JAK1: variants seen among roughly 807,000 people sequenced by gnomAD.
JAK1 encodes the protein Janus kinase 1, also known as tyrosine-protein kinase JAK1.
In JAK1, 16 loss-of-function variants were observed where a neutral mutation model predicts 136.6. The observed-to-expected ratio is 0.12, with a 90% confidence interval of 0.08 to 0.18. The LOEUF is 0.18. Among genes scored for constraint, JAK1 ranks in the 10% least tolerant of loss-of-function variants. JAK1 has a pLI of 1.00. For missense variants in JAK1, 859 were observed against 1,450.1 expected, an observed-to-expected ratio of 0.59 and a Z score of 6.62; for synonymous variants, 492 against 519.5, an observed-to-expected ratio of 0.95 and a Z score of 0.72.
intron 1 of JAK1, among the ~76,000 whole-genome samples, chr1:64,924,778 G>A (rs867678245): frequency 6.6e-6 from 1 of 152,140 alleles, no homozygotes; most frequent in South Asian, 2.1e-4. Flanking sequence ...CACCTTTATA[G>A]GATGCTATTT....
upstream of JAK1, among the ~76,000 whole-genome samples, chr1:64,969,981 C>CA (rs1283624393): frequency 1.3e-5 from 2 of 151,428 alleles, no homozygotes; most frequent in Non-Finnish European, 2.9e-5. Context: ...ACAAAAAATA[C>CA]AAAAAATAAC....
chr1:64,880,919 G>C (rs907176879), intron 3 of JAK1, among the ~76,000 whole-genome samples: 1 of 151,884 alleles, frequency 6.6e-6, no homozygotes, highest in South Asian at 2.1e-4. Context: ...TGCACTCCTA[G>C]GTGACAGAGA....
intron 1 of JAK1, among the ~76,000 whole-genome samples, chr1:64,929,073 G>A (rs1363004702): frequency 3.9e-5 from 6 of 152,156 alleles, no homozygotes; most frequent in African/African-American, 1.4e-4. Flanking sequence ...TACTTGTCTG[G>A]TGCCTTAAAA....
chr1:65,032,498 T>C (rs1254474277), intron 2 of JAK1, among the ~76,000 whole-genome samples: 1 of 151,978 alleles, frequency 6.6e-6, no homozygotes, highest in Non-Finnish European at 1.5e-5. Context: ...AAACACAATA[T>C]ATGCAAAACA....
At chr1:65,053,769 C>T (rs576853639) in intron 1 of JAK1, among the ~76,000 whole-genome samples, 3 of 152,192 alleles carry the variant, frequency 2.0e-5, no homozygotes, top group African/African-American at 7.2e-5. Context: ...TACAATGAGC[C>T]GTGATGGCAC....
At chr1:64,895,284 T>C (rs2101401555) in intron 1 of JAK1, among the ~76,000 whole-genome samples, 1 of 152,342 alleles carries the variant, frequency 6.6e-6, no homozygotes, top group East Asian at 1.9e-4. Flanking sequence ...CCTTACTATG[T>C]GCCATTCCCT....
At chr1:65,000,411 G>A (rs527601376) in intron 2 of JAK1, among the ~76,000 whole-genome samples, 2 of 151,964 alleles carry the variant, frequency 1.3e-5, no homozygotes, top group East Asian at 3.9e-4. Flanking sequence ...GCTGAGGTGG[G>A]AGGATCACCT....
chr1:64,933,371 A>T (rs1027891753), intron 1 of JAK1, among the ~76,000 whole-genome samples: 1 of 152,212 alleles, frequency 6.6e-6, no homozygotes, highest in African/African-American at 2.4e-5. Context: ...ACTATTCATG[A>T]GTGTAGCATT....
At chr1:64,967,484 T>G (rs778708346), upstream of JAK1, among the ~76,000 whole-genome samples, 2 of 152,168 alleles carry the variant, frequency 1.3e-5, no homozygotes, top group Non-Finnish European at 2.9e-5. Context: ...CTCCAGCGAC[T>G]TCCCCCTGAC....
chr1:64,864,994 AC>A, intron 7 of JAK1, 22 bp from the exon 8 acceptor site: 1 of 1,593,286 alleles, frequency 6.3e-7, no homozygotes, highest in Non-Finnish European at 8.6e-7. Flanking sequence ...CATAAAAGGG[AC>A]AGGGTTAAGT....
chr1:64,964,189 A>T (rs1646333556), intron 1 of JAK1, among the ~76,000 whole-genome samples: 1 of 152,378 alleles, frequency 6.6e-6, no homozygotes, highest in Non-Finnish European at 1.5e-5. Context: ...AAAATGAACA[A>T]GAAAAATTTA....
At chr1:64,898,542 T>C (rs1645059487) in intron 1 of JAK1, among the ~76,000 whole-genome samples, 1 of 152,198 alleles carries the variant, frequency 6.6e-6, no homozygotes, top group East Asian at 1.9e-4. Context: ...CTACCTTCCC[T>C]TGATGATTCA....
intron 17 of JAK1, among the ~76,000 whole-genome samples, chr1:64,843,717 C>T (rs2780895): frequency 0.36 from 54,437 of 151,992 alleles, 11,761 homozygotes; most frequent in African/African-American, 0.61. Flanking sequence ...GAACTCCATA[C>T]GTATTTGTGT....
chr1:64,867,270 A>G, intron 6 of JAK1, 62 bp from the exon 7 acceptor site: 1 of 1,243,050 alleles, frequency 8.0e-7, no homozygotes, highest in Non-Finnish European at 1.1e-6. Context: ...AATAGTTTAG[A>G]AACAAATCTA....
At chr1:64,989,814 GGCAAGAT>G (rs1363344017) in intron 2 of JAK1, 1 of 152,118 alleles carries the variant, frequency 6.6e-6, no homozygotes, top group Non-Finnish European at 1.5e-5. Flanking sequence ...ATGTGCCCAG[GGCAAGAT>G]GCTTGCTCAG....
intron 8 of JAK1, among the ~76,000 whole-genome samples, chr1:64,863,044 A>C (rs191539788): frequency 1.3e-5 from 2 of 151,252 alleles, no homozygotes; most frequent in Non-Finnish European, 2.9e-5. Context: ...GATGCAGCAT[A>C]TAACAGGGGG....
At chr1:64,933,151 G>T (rs1023398759) in intron 1 of JAK1, among the ~76,000 whole-genome samples, 3 of 152,048 alleles carry the variant, frequency 2.0e-5, no homozygotes, top group Non-Finnish European at 4.4e-5. Flanking sequence ...CCATAAGGTG[G>T]GTACCACTGT....
chr1:65,048,533 G>A (rs1190523832), intron 1 of JAK1, among the ~76,000 whole-genome samples: 3 of 152,210 alleles, frequency 2.0e-5, no homozygotes, highest in Non-Finnish European at 4.4e-5. Flanking sequence ...GTATTCAACC[G>A]ATTAAATGCT....
chr1:64,902,566 G>C (rs1645124371), intron 1 of JAK1, among the ~76,000 whole-genome samples: 1 of 49,546 alleles, frequency 2.0e-5, no homozygotes. Context: ...GAGAGAGAGA[G>C]AGAGAGAGAG....
Sources: allele counts gnomAD v4.1 joint callset (sites outside exome capture counted in the v4.1 genomes callset), GRCh38; gene constraint gnomAD v4.1.1; transcripts MANE v1.5; gene names NCBI Gene and HGNC (gene_info 2026-07-23, HGNC 2026-07-21).